The following BSN variants were observed in gnomAD, a reference collection of about 807,000 sequenced individuals.
BSN encodes the protein protein bassoon.
A neutral mutation model predicts 264.8 loss-of-function variants in BSN; 57 were observed. The observed-to-expected ratio is 0.22, with a 90% CI of 0.17 to 0.27. The LOEUF is 0.27. Among genes scored for constraint, BSN ranks in the 10% least tolerant of loss-of-function variants. The pLI is 1.00. For missense variants in BSN, 4,615 were observed against 5,232.5 expected, an observed-to-expected ratio of 0.88 and a Z score of 3.64; for synonymous variants, 2,059 against 2,137.3, an observed-to-expected ratio of 0.96 and a Z score of 1.01.
chr3:49,576,614 G>A (rs2051847096), intron 1 of BSN, among the ~76,000 whole-genome samples: 1 of 151,944 alleles, frequency 6.6e-6, no homozygotes, highest in Admixed American at 6.6e-5. Flanking sequence ...TAGAGATGGG[G>A]TTTCACCATG....
At chr3:49,612,633 C>G (rs1393626056) in intron 1 of BSN, among the ~76,000 whole-genome samples, 1 of 152,042 alleles carries the variant, frequency 6.6e-6, no homozygotes, top group Non-Finnish European at 1.5e-5. Context: ...GGTGGAATTA[C>G]CCAAGGAATT....
At chr3:49,637,446 A>G (rs554259954) in intron 2 of BSN, among the ~76,000 whole-genome samples, 1 of 152,242 alleles carries the variant, frequency 6.6e-6, no homozygotes, top group South Asian at 2.1e-4. Context: ...GAAGATGTAG[A>G]AGCTCTTCCC....
chr3:49,624,439 C>T (rs985657216), intron 1 of BSN, among the ~76,000 whole-genome samples: 3 of 151,994 alleles, frequency 2.0e-5, no homozygotes, highest in African/African-American at 7.2e-5. Flanking sequence ...GCTGGGTTTA[C>T]AGGTGTGCGC....
In BSN at chr3:49,627,472, C is replaced by T. The variant is rs530267556; in HGVS notation, c.633+2089C>T. Among the ~76,000 whole-genome samples the T allele has an allele frequency of 7.7e-4, 118 of 152,318 alleles. 1 individual carries two copies. The highest frequency in any genetic ancestry group is 8.3e-4 in the South Asian group (4 of 4,826). Reference sequence around the variant, plus strand: ...GGGGTGATAAAGCATAATTCGTGAACCAGTGCAGTTGCTCTTTGTCACTTT... The same window carrying T: ...GGGGTGATAAAGCATAATTCGTGAATCAGTGCAGTTGCTCTTTGTCACTTT... On this transcript the variant is annotated intron_variant, in intron 2 of 11. Transcript: ENST00000296452.
chr3:49,580,190 C>T (rs922227381), intron 1 of BSN, among the ~76,000 whole-genome samples: 1 of 152,158 alleles, frequency 6.6e-6, no homozygotes. Context: ...AAGTGATCCT[C>T]CCACCTTATT....
At chr3:49,637,851 G>C (rs1216198353) in intron 2 of BSN, among the ~76,000 whole-genome samples, 1 of 152,186 alleles carries the variant, frequency 6.6e-6, no homozygotes, top group Admixed American at 6.5e-5. Flanking sequence ...CTGCCACTTA[G>C]GCCCCCACTG....
chr3:49,563,866 TTC>T (rs1488740616), intron 1 of BSN, among the ~76,000 whole-genome samples: 2 of 152,072 alleles, frequency 1.3e-5, no homozygotes, highest in Non-Finnish European at 2.9e-5. Flanking sequence ...TGCTGGAGAG[TTC>T]TTTTTTCCTG....
At chr3:49,616,210 A>C (rs1260491770) in intron 1 of BSN, among the ~76,000 whole-genome samples, 3 of 152,170 alleles carry the variant, frequency 2.0e-5, no homozygotes, top group Non-Finnish European at 4.4e-5. Flanking sequence ...TTTTTTTCTA[A>C]GCCTAAACTT....
At position 49,613,303 on chromosome 3, in the gene BSN, C is replaced by CGAGCGAGAGAGAGAGAGAGA. The variant is rs1553662875; in HGVS notation, c.225-11669_225-11668insCGAGAGAGAGAGAGAGAGAG. On this transcript the variant is annotated intron_variant, in intron 1 of 11. Transcript: ENST00000296452. Reference sequence around the variant, plus strand: ...TATATATATATATACACACACAGAGCGAGAGAGAGAGAGAGAGAGAGAGAG... The same window carrying CGAGCGAGAGAGAGAGAGAGA: ...TATATATATATATACACACACAGAGCGAGCGAGAGAGAGAGAGAGAGAGAGAGAGAGAGAGAGAGAGAGAG... Among the ~76,000 whole-genome samples, 35 of 47,346 alleles carry CGAGCGAGAGAGAGAGAGAGA rather than the reference C, an allele frequency of 7.4e-4. 1 individual carries two copies. The highest frequency in any genetic ancestry group is 2.3e-3 in the African/African-American group (33 of 14,248). The allele number at this position is 47,346 out of a possible 152,430, so 31.1% of individuals were successfully genotyped here.
At chr3:49,581,791 T>C (rs2051897070) in intron 1 of BSN, among the ~76,000 whole-genome samples, 1 of 151,926 alleles carries the variant, frequency 6.6e-6, no homozygotes, top group Non-Finnish European at 1.5e-5. Flanking sequence ...GCCACTGCAC[T>C]CTAGCCTGAA....
intron 1 of BSN, among the ~76,000 whole-genome samples, chr3:49,562,632 G>C (rs1244688246): frequency 6.6e-6 from 1 of 152,226 alleles, no homozygotes; most frequent in South Asian, 2.1e-4. Flanking sequence ...TAAGAGGAGT[G>C]ATGTAGAAGA....
At chr3:49,556,970 T>C (rs928221573) in intron 1 of BSN, among the ~76,000 whole-genome samples, 10 of 152,222 alleles carry the variant, frequency 6.6e-5, no homozygotes, top group Admixed American at 6.5e-4. Flanking sequence ...GGGAGTTAAA[T>C]GCTATTGCCA....
intron 2 of BSN, among the ~76,000 whole-genome samples, chr3:49,630,828 A>G (rs1343458755): frequency 6.6e-6 from 1 of 152,200 alleles, no homozygotes; most frequent in African/African-American, 2.4e-5. Flanking sequence ...AAGGCACAAG[A>G]AGGGGAGGCA....
Position 49,660,786 on chromosome 3 carries a change from T to C in BSN, c.8941T>C (p.Leu2981=). Residue 2981 remains leucine, a synonymous_variant, in exon 6 of 12, where the codon TTG becomes CTG. Coordinates refer to ENST00000296452, the MANE Select transcript of BSN (RefSeq NM_003458.4). The surrounding 1 kb of genome is among the most constrained non-coding windows in gnomAD (Gnocchi z 7.1). ...TGACGCCAAGCTCAAGTACCTGGAG[T>C]TGGGTATCACACAACGCAAAGAGTC... ...EIDAKLKYLE[L]GITQRKESLA... The C allele has an allele frequency of 6.2e-6, 10 of 1,612,786 alleles. No homozygotes were observed. The highest frequency in any genetic ancestry group is 1.3e-5 in the African/African-American group (1 of 74,896).
chr3:49,581,351 C>T (rs1481998416), intron 1 of BSN, among the ~76,000 whole-genome samples: 3 of 152,166 alleles, frequency 2.0e-5, no homozygotes, highest in African/African-American at 2.4e-5. Flanking sequence ...CCCTTATCTG[C>T]GGTCTTGCTT....
At chr3:49,639,954 A>G (rs1475142615) in intron 2 of BSN, among the ~76,000 whole-genome samples, 2 of 152,242 alleles carry the variant, frequency 1.3e-5, no homozygotes, top group African/African-American at 4.8e-5. Flanking sequence ...GGTTGCTGGG[A>G]TAAGGCACCT....
chr3:49,634,949 TG>T (rs1256219252), intron 2 of BSN, among the ~76,000 whole-genome samples: 1 of 151,936 alleles, frequency 6.6e-6, no homozygotes, highest in East Asian at 1.9e-4. Flanking sequence ...GGGTAGCGGG[TG>T]GGCTCTGGGA....
intron 1 of BSN, among the ~76,000 whole-genome samples, chr3:49,605,868 C>CTATATATAGATATAAATA (rs2052130401): frequency 2.8e-5 from 2 of 70,574 alleles, no homozygotes; most frequent in African/African-American, 1.1e-4. Context: ...ATATTTATAT[C>CTATATATAGATATAAATA]TATTTATATA....
chr3:49,646,573 G>A (rs1199201860), intron 3 of BSN, among the ~76,000 whole-genome samples: 6 of 152,280 alleles, frequency 3.9e-5, no homozygotes, highest in South Asian at 4.1e-4. Context: ...TTAGGTTTCC[G>A]TGAGAACCAG....
Sources: allele counts gnomAD v4.1 joint callset (sites outside exome capture counted in the v4.1 genomes callset), GRCh38; gene constraint gnomAD v4.1.1; non-coding constraint Gnocchi (gnomAD v3.1); transcripts MANE v1.5; gene names NCBI Gene and HGNC (gene_info 2026-07-23, HGNC 2026-07-21).